TUSC3: variants seen among roughly 807,000 people sequenced by gnomAD.
The protein encoded by TUSC3 is dolichyl-diphosphooligosaccharide--protein glycosyltransferase subunit TUSC3.
Under a neutral mutation model 44.8 loss-of-function variants are expected in TUSC3, and 45 were observed. The observed-to-expected ratio is 1.00, with a 90% CI of 0.79 to 1.29. The LOEUF is 1.29. Ranked by LOEUF, TUSC3 falls within the 50% of genes most tolerant of loss-of-function variation. The pLI, the probability that TUSC3 is intolerant of heterozygous loss-of-function variation, is 0.00. For synonymous variants in TUSC3, 212 were observed against 152.9 expected (o/e 1.39, Z -2.85); for missense variants, 519 against 437.9 (o/e 1.19, Z -1.65).
At chr8:15,578,153 T>C (rs1365578870) in intron 1 of TUSC3, among the ~76,000 whole-genome samples, 1 of 142,378 alleles carries the variant, frequency 7.0e-6, no homozygotes, top group African/African-American at 2.6e-5. Flanking sequence ...GTGATTTTTG[T>C]ACATTGATTT....
intron 2 of TUSC3, among the ~76,000 whole-genome samples, chr8:15,485,077 T>C (rs1212526368): frequency 4.6e-5 from 7 of 152,158 alleles, no homozygotes; most frequent in Admixed American, 4.6e-4. Flanking sequence ...GCACTTTCAG[T>C]CAAGAAATAT....
intron 2 of TUSC3, among the ~76,000 whole-genome samples, chr8:15,529,520 A>G (rs1430551983): frequency 1.3e-5 from 2 of 152,182 alleles, no homozygotes; most frequent in African/African-American, 4.8e-5. Flanking sequence ...TAATATACAA[A>G]ATCAGTTTCA....
At chr8:15,561,132 G>GT (rs1802443635) in intron 1 of TUSC3, among the ~76,000 whole-genome samples, 1 of 88,154 alleles carries the variant, frequency 1.1e-5, no homozygotes, top group Non-Finnish European at 2.4e-5. Context: ...CATCTTTGTG[G>GT]TTTTATGTAC....
intron 7 of TUSC3, among the ~76,000 whole-genome samples, chr8:15,732,371 C>T (rs548646153): frequency 1.3e-5 from 2 of 152,222 alleles, no homozygotes; most frequent in Non-Finnish European, 2.9e-5. Flanking sequence ...GGGGCATTCC[C>T]CTGCACATGC....
the TUSC3 span, among the ~76,000 whole-genome samples, chr8:15,821,648 T>C: frequency 2.6e-5 from 4 of 152,094 alleles, no homozygotes; most frequent in East Asian, 1.9e-4. Flanking sequence ...AAACCTCTCA[T>C]TGAGTCAAAA....
At chr8:15,432,472 T>A (rs1799884086) in intron 1 of TUSC3, among the ~76,000 whole-genome samples, 1 of 152,194 alleles carries the variant, frequency 6.6e-6, no homozygotes, top group African/African-American at 2.4e-5. Context: ...TAATTTTAAG[T>A]GTCATAATTT....
Position 15,454,966 on chromosome 8 carries a change from C to A in TUSC3, n.92-28420C>A, listed in dbSNP as rs192535671. 3.5e-3 allele frequency among the ~76,000 whole-genome samples: 525 copies of A among 152,104 alleles called. 3 individuals are homozygous for A. Among genetic ancestry groups the A allele is most frequent in the Middle Eastern group, 0.01 (3 of 294 alleles). On this transcript the variant is annotated intron_variant and non_coding_transcript_variant, in intron 1 of 5. Transcript: ENST00000503191. ...CAGGCTCTCCCCTCCAAAATGAATT[C>A]TAGAGGAATTAGAGGCAAAAGACCA...
chr8:15,774,123 C>T, the TUSC3 span, among the ~76,000 whole-genome samples: 1 of 152,000 alleles, frequency 6.6e-6, no homozygotes, highest in Non-Finnish European at 1.5e-5. Context: ...AGAATATTTG[C>T]AAATCATATA....
chr8:15,529,708 T>C (rs1021516775), intron 2 of TUSC3, among the ~76,000 whole-genome samples: 1 of 151,908 alleles, frequency 6.6e-6, no homozygotes, highest in Non-Finnish European at 1.5e-5. Flanking sequence ...AACTGTGTTA[T>C]TGGAGCATTT....
intron 6 of TUSC3, among the ~76,000 whole-genome samples, chr8:15,681,032 T>C (rs1289845628): frequency 1.3e-5 from 2 of 152,052 alleles, no homozygotes; most frequent in African/African-American, 4.8e-5. Flanking sequence ...CTTAGTGATA[T>C]TGGTGTGTAA....
intron 1 of TUSC3, among the ~76,000 whole-genome samples, chr8:15,617,558 C>T (rs1805052590): frequency 1.3e-5 from 2 of 152,116 alleles, no homozygotes; most frequent in African/African-American, 4.8e-5. Flanking sequence ...GACAGTGATA[C>T]AAAGCCAGAT....
intron 2 of TUSC3, among the ~76,000 whole-genome samples, chr8:15,633,724 T>C (rs901457509): frequency 1.3e-5 from 2 of 152,182 alleles, no homozygotes; most frequent in Non-Finnish European, 2.9e-5. Flanking sequence ...CATCAGAAGC[T>C]AGGAAGAGGC....
chr8:15,540,632 A>G (rs1801651923), intron 1 of TUSC3, 64 bp downstream of exon 1: 14 of 1,471,916 alleles, frequency 9.5e-6, no homozygotes, highest in Non-Finnish European at 1.2e-5. Context: ...CCGCGTTGCC[A>G]GGCAGCCCTG....
chr8:15,631,731 A>C (rs1382470675), intron 2 of TUSC3, among the ~76,000 whole-genome samples: 1 of 150,848 alleles, frequency 6.6e-6, no homozygotes, highest in African/African-American at 2.4e-5. Flanking sequence ...TTTAAGACAC[A>C]GTCTTGCTGT....
At chr8:15,769,644 C>A (rs746442898), downstream of TUSC3, among the ~76,000 whole-genome samples, 3 of 152,150 alleles carry the variant, frequency 2.0e-5, no homozygotes, top group Non-Finnish European at 4.4e-5. Context: ...AAACAGACAA[C>A]CTACAGAATG....
chr8:15,523,658 ATATATATGTGTGTGTGTGTGTGTGTGTG>A (rs1563273607), intron 2 of TUSC3, among the ~76,000 whole-genome samples: 10 of 21,318 alleles, frequency 4.7e-4, no homozygotes, highest in Admixed American at 7.7e-4. Flanking sequence ...ATATATATAT[ATATATATGTGTGTGTGTGTGTGTGTGTG>A]TGTGTGTGTG....
At chr8:15,512,483 G>A (rs1482966481) in intron 2 of TUSC3, among the ~76,000 whole-genome samples, 1 of 152,040 alleles carries the variant, frequency 6.6e-6, no homozygotes. Flanking sequence ...AACAATAAAT[G>A]TTTCTCTGGC....
At chr8:15,425,549 T>A (rs965400007) in intron 1 of TUSC3, among the ~76,000 whole-genome samples, 5 of 152,240 alleles carry the variant, frequency 3.3e-5, no homozygotes, top group African/African-American at 1.2e-4. Context: ...TGAAAAACCC[T>A]TTGTTCTGGC....
intron 6 of TUSC3, among the ~76,000 whole-genome samples, chr8:15,709,513 C>T (rs143885957): frequency 6.5e-3 from 988 of 151,908 alleles, no homozygotes; most frequent in Middle Eastern, 0.014. Flanking sequence ...ACTCATTATT[C>T]CCAGCCAGAA....
Sources: gnomAD v4.1 joint callset for allele counts (sites outside exome capture counted in the v4.1 genomes callset) on GRCh38, gnomAD v4.1.1 for gene constraint, MANE v1.5 for transcripts, NCBI Gene and HGNC (gene_info 2026-07-23, HGNC 2026-07-21) for gene names.